The following XYLT2 variants were observed in gnomAD, a reference collection of about 807,000 sequenced individuals.
XYLT2 encodes the protein UDP-D-xylose:proteoglycan core protein beta-D-xylosyltransferase.
XYLT2 carries 37 observed loss-of-function variants against 82.6 expected under a neutral mutation model. That is an observed-to-expected ratio of 0.45 (90% confidence interval 0.34 to 0.59). The LOEUF (loss-of-function observed/expected upper bound fraction) is 0.59. Ranked by LOEUF, XYLT2 falls within the 20% of genes least tolerant of loss-of-function variation. XYLT2 has a pLI of 0.01. For missense variants in XYLT2, 934 were observed against 1,181.3 expected (o/e 0.79, Z 3.07); for synonymous variants, 474 against 499.0 (o/e 0.95, Z 0.67).
intron 1 of XYLT2, among the ~76,000 whole-genome samples, chr17:50,349,681 G>C (rs1912175355): frequency 6.6e-6 from 1 of 152,240 alleles, no homozygotes; most frequent in South Asian, 2.1e-4. Context: ...GTAGCTGTCA[G>C]CCTGACAGCA....
At chr17:50,348,998 C>A (rs72832440) in intron 1 of XYLT2, among the ~76,000 whole-genome samples, 3,632 of 152,330 alleles carry the variant, frequency 0.024, 63 homozygotes, top group Middle Eastern at 0.061. Flanking sequence ...AGGGCCTCTG[C>A]TCCCTCACTG....
rs386386236 is a variant in XYLT2 at position 50,360,571 on chromosome 17, CTTTTT to C, written c.*295_*299del. On this transcript the variant is annotated 3_prime_UTR_variant, in exon 11 of 11. Transcript: ENST00000017003. Reference sequence around the variant, plus strand: ...TGTCTAGTTTGAATTTCTTTTTTTTCTTTTTTTTTTTTTTTTTTTAATTTAAAAAG... The same window carrying C: ...TGTCTAGTTTGAATTTCTTTTTTTTCTTTTTTTTTTTTTTAATTTAAAAAG... The C allele has an allele frequency of 7.1e-6, 7 of 979,876 alleles. No homozygotes were observed. Among genetic ancestry groups the C allele is most frequent in the African/African-American group, 4.0e-5 (2 of 50,602 alleles). 60.7% of individuals were successfully genotyped at this position (979,876 alleles called of 1,614,324 possible).
chr17:50,355,859 C>T lies in XYLT2; in HGVS notation c.1167C>T (p.Ile389=). 1 of 1,614,240 alleles carries T rather than the reference C, an allele frequency of 6.2e-7. No individual in the cohort carries two copies. The highest frequency in any genetic ancestry group is 8.5e-7 in the Non-Finnish European group (1 of 1,180,044). The change falls in exon 6 of 11, where the codon ATC becomes ATT. Residue 389 remains isoleucine, a synonymous_variant. Coordinates refer to ENST00000017003, the MANE Select transcript of XYLT2 (RefSeq NM_022167.4). ...SHMWRLGERQ[I]PAGIVVDGGS... Reference sequence around the variant, plus strand: ...TGTGGCGCCTGGGCGAGCGGCAGATCCCAGCAGGCATTGTGGTGGATGGCG... The same window carrying T: ...TGTGGCGCCTGGGCGAGCGGCAGATTCCAGCAGGCATTGTGGTGGATGGCG...
Position 50,360,170 on chromosome 17 carries a change from G to C in XYLT2, c.2477G>C (p.Cys826Ser). 6.2e-7 allele frequency: 1 copy of C among 1,614,044 alleles called. No homozygotes were observed. Among genetic ancestry groups the C allele is most frequent in the Non-Finnish European group, 8.5e-7 (1 of 1,179,976 alleles). ...AGCTTCTGGTCCGTGGCTGGACTGTGTGCCATAGGCCCCTCTCCCTGCCCC... is the reference window on the plus strand; with the variant it reads ...AGCTTCTGGTCCGTGGCTGGACTGTCTGCCATAGGCCCCTCTCCCTGCCCC... ...LSSFWSVAGL[C>S]AIGPSPCPSL... The change falls in exon 11 of 11, where the codon TGT becomes TCT. Residue 826 changes from cysteine (C) to serine (S), a missense_variant. Coordinates refer to ENST00000017003, the MANE Select transcript of XYLT2 (RefSeq NM_022167.4).
chr17:50,353,056 A>G (rs1912337053), intron 1 of XYLT2, among the ~76,000 whole-genome samples: 1 of 152,136 alleles, frequency 6.6e-6, no homozygotes, highest in South Asian at 2.1e-4. Context: ...CTCTGTCTTG[A>G]TCTGCTTCCT....
intron 9 of XYLT2, chr17:50,357,516 A>G (rs886705695): frequency 2.2e-5 from 9 of 416,542 alleles, no homozygotes; most frequent in Non-Finnish European, 2.5e-5. Context: ...CTTCCAGACT[A>G]CAGAGATTTC....
At chr17:50,356,484 T>C in intron 7 of XYLT2, 27 bp from the exon 8 acceptor site, 1 of 1,610,346 alleles carries the variant, frequency 6.2e-7, no homozygotes, top group Non-Finnish European at 8.5e-7. Context: ...CCAGAGCCCT[T>C]CACCCTCCTT....
chr17:50,358,875 A>C (rs1286163068), intron 10 of XYLT2: 1 of 234,972 alleles, frequency 4.3e-6, no homozygotes, highest in East Asian at 8.7e-5. Context: ...CTCCTGGTTC[A>C]TGCAACACAA....
rs1912051294 is a variant in XYLT2, at chr17:50,346,549, C to G, written c.135+274C>G. ...GGAGCAGGTCATGCTAGGGTGGTCTCCGGCCAAGGGAGCGATGAAGGTCAG... is the reference window on the plus strand; with the variant it reads ...GGAGCAGGTCATGCTAGGGTGGTCTGCGGCCAAGGGAGCGATGAAGGTCAG... On this transcript the variant is annotated intron_variant, in intron 1 of 10. Transcript: ENST00000017003. The surrounding 1 kb of genome is among the most constrained non-coding windows in gnomAD (Gnocchi z 5.1). The G allele has an allele frequency of 1.0e-6, 1 of 957,454 alleles. No individual in the cohort carries two copies. The highest frequency in any genetic ancestry group is 1.2e-4 in the East Asian group (1 of 8,652). The allele number at this position is 957,454 out of a possible 1,614,324, so 59.3% of individuals were successfully genotyped here.
chr17:50,354,434 G>T lies in XYLT2; in HGVS notation c.655G>T (p.Asp219Tyr). 4.3e-6 allele frequency: 7 copies of T among 1,610,478 alleles called. No homozygotes were observed. The highest frequency in any genetic ancestry group is 5.9e-6 in the Non-Finnish European group (7 of 1,178,948). The part of the protein sequence containing the change: ...TGKMSPGIQW[D>Y]ESQAQQPMDG... Reference sequence around the variant, plus strand: ...GAAGATGAGCCCCGGCATCCAGTGGGATGAGAGCCAAGCCCAGCAGCCCAT... The same window carrying T: ...GAAGATGAGCCCCGGCATCCAGTGGTATGAGAGCCAAGCCCAGCAGCCCAT... The change falls in exon 3 of 11, where the codon GAT becomes TAT. Residue 219 changes from aspartate to tyrosine, a missense_variant. Around this residue, in one of 3 missense-constraint regions of XYLT2, gnomAD observed 371 missense variants for 394.9 expected, o/e 0.94. Transcript: ENST00000017003.
chr17:50,359,166 C>G (rs572298851), intron 10 of XYLT2: 11 of 153,098 alleles, frequency 7.2e-5, no homozygotes, highest in African/African-American at 2.6e-4. Flanking sequence ...CTATCCCAGT[C>G]CACTGTCTGG....
chr17:50,346,158 A>G lies in XYLT2; in HGVS notation c.18A>G (p.Arg6=). Residue 6 remains arginine, a synonymous_variant, in exon 1 of 11, where the codon CGA becomes CGG. Transcript: ENST00000017003. The surrounding 1 kb of genome is among the most constrained non-coding windows in gnomAD (Gnocchi z 5.1). MVASA[R]VQKLVRRYKL... ...GCAGGAAGATGGTGGCGAGCGCGCG[A>G]GTGCAGAAGCTGGTGCGGCGCTACA... is the stretch of plus-strand genomic sequence containing the variant. 3 of 1,268,014 alleles carry G rather than the reference A, an allele frequency of 2.4e-6. No homozygotes were observed. Among genetic ancestry groups the G allele is most frequent in the Non-Finnish European group, 3.1e-6 (3 of 981,644 alleles). 78.5% of individuals were successfully genotyped at this position (1,268,014 alleles called of 1,614,324 possible).
In XYLT2 at chr17:50,353,613, C is replaced by CTGCA. The variant is rs780374432; in HGVS notation, c.136-15_136-12dup. 1.3e-6 allele frequency: 2 copies of CTGCA among 1,555,592 alleles called. No individual in the cohort carries two copies. The highest frequency in any genetic ancestry group is 8.7e-7 in the Non-Finnish European group (1 of 1,149,786). On this transcript the variant is annotated splice_polypyrimidine_tract_variant and intron_variant, in intron 1 of 10. Transcript: ENST00000017003. ...GTGAGGGTCTGCCCCAGTGATGTGT[C>CTGCA]TGCATCTCTCTTACAGAAAGGAAGG... is the stretch of plus-strand genomic sequence containing the variant.
chr17:50,358,034 G>T, intron 9 of XYLT2, 173 bp from the exon 10 acceptor site: 1 of 625,510 alleles, frequency 1.6e-6, no homozygotes. Context: ...GAATCTCAGA[G>T]CTGGGAGAGA....
chr17:50,360,726 A>G lies in XYLT2; in HGVS notation c.*435A>G. Reference sequence around the variant, plus strand: ...CTGAGCCCACCTGCTATTGTTCTGCACGAGGCTGGGCCTGCCTCACTCTCC... The same window carrying G: ...CTGAGCCCACCTGCTATTGTTCTGCGCGAGGCTGGGCCTGCCTCACTCTCC... On this transcript the variant is annotated 3_prime_UTR_variant, in exon 11 of 11. Coordinates refer to ENST00000017003, the MANE Select transcript of XYLT2 (RefSeq NM_022167.4). 1 of 989,902 alleles carries G rather than the reference A, an allele frequency of 1.0e-6. No individual in the cohort carries two copies. Among genetic ancestry groups the G allele is most frequent in the Non-Finnish European group, 1.2e-6 (1 of 832,884 alleles). The allele number at this position is 989,902 out of a possible 1,614,324, so 61.3% of individuals were successfully genotyped here. A position where few individuals can be genotyped will look rare whatever the true frequency, so the allele number is the denominator to read the frequency against.
At chr17:50,358,640 C>T in intron 10 of XYLT2, 100 bp downstream of exon 10, 3 of 1,258,666 alleles carry the variant, frequency 2.4e-6, no homozygotes, top group Non-Finnish European at 3.2e-6. Flanking sequence ...GACTCCCATC[C>T]CTAGAGTCAG....
Position 50,358,432 on chromosome 17 carries a change from C to T in XYLT2, c.2167C>T (p.Arg723Trp), listed in dbSNP as rs1306243027. Residue 723 changes from arginine (R) to tryptophan (W), a missense_variant, in exon 10 of 11, where the codon CGG becomes TGG. Transcript: ENST00000017003. ...CAAGCCCCCACTGAGCCGGCCCCTG[C>T]GGCCAGGGCCCTGGACTGTTCGACT... ...QYKPPLSRPL[R>W]PGPWTVRLLQ... The T allele has an allele frequency of 2.4e-5, 38 of 1,614,030 alleles. No homozygotes were observed. Among genetic ancestry groups the T allele is most frequent in the Non-Finnish European group, 3.0e-5 (35 of 1,180,054 alleles).
chr17:50,358,691 A>G (rs1912664111), intron 10 of XYLT2, 151 bp downstream of exon 10: 3 of 827,410 alleles, frequency 3.6e-6, no homozygotes, highest in Admixed American at 2.9e-5. Context: ...TCTTTCCTGT[A>G]GCATGCAGGG....
rs1912427404 is a variant in XYLT2 at position 50,354,590 on chromosome 17, T to C, written c.804+7T>C. The C allele has an allele frequency of 6.2e-7, 1 of 1,600,774 alleles. No homozygotes were observed. Among genetic ancestry groups the C allele is most frequent in the East Asian group, 2.2e-5 (1 of 44,630 alleles). On this transcript the variant is annotated splice_region_variant and intron_variant, in intron 3 of 10. Coordinates refer to ENST00000017003, the MANE Select transcript of XYLT2 (RefSeq NM_022167.4). ...TTACATCCATGTGGACAAGGTACTG[T>C]GGTGGGGAGAGGCCAAGGGGTCTGG...
Sources: allele counts gnomAD v4.1 joint callset (sites outside exome capture counted in the v4.1 genomes callset), GRCh38; gene constraint gnomAD v4.1.1; regional missense constraint gnomAD v4.1.1; non-coding constraint Gnocchi (gnomAD v3.1); transcripts MANE v1.5; gene names NCBI Gene and HGNC (gene_info 2026-07-23, HGNC 2026-07-21).